Variants in CCDC15 observed in about 807,000 individuals in gnomAD.
CCDC15 encodes the protein coiled-coil domain-containing protein 15.
Under a neutral mutation model 114.5 loss-of-function variants are expected in CCDC15, and 105 were observed. The observed-to-expected ratio is 0.92, with a 90% CI of 0.78 to 1.08. CCDC15 has a LOEUF of 1.08. Among genes scored for constraint, CCDC15 ranks in the 50% least tolerant of loss-of-function variants. CCDC15 has a pLI of 0.00. For missense variants in CCDC15, 1,105 were observed against 1,093.6 expected (o/e 1.01, Z -0.15); for synonymous variants, 334 against 377.8 (o/e 0.88, Z 1.34).
At chr11:124,982,440 A>G (rs536649525) in intron 6 of CCDC15, among the ~76,000 whole-genome samples, 60 of 152,264 alleles carry the variant, frequency 3.9e-4, no homozygotes, top group Admixed American at 1.4e-3. Context: ...TTTCCTTTCC[A>G]TATTTAGCAC....
At chr11:124,986,700 T>TGTGCGCGCGCGCGCGCGC (rs878887902) in intron 6 of CCDC15, 42 bp from the exon 7 acceptor site, 1 of 1,298,020 alleles carries the variant, frequency 7.7e-7, no homozygotes, top group African/African-American at 1.7e-5. Flanking sequence ...TTTGTGTGTG[T>TGTGCGCGCGCGCGCGCGC]GCGCGCGCGC....
At chr11:125,008,303 G>A (rs1948565773) in intron 13 of CCDC15, among the ~76,000 whole-genome samples, 1 of 152,132 alleles carries the variant, frequency 6.6e-6, no homozygotes, top group South Asian at 2.1e-4. Flanking sequence ...ATGGTATTGT[G>A]CATTTAATTT....
chr11:124,983,264 A>G (rs906373725), intron 6 of CCDC15, among the ~76,000 whole-genome samples: 2 of 152,034 alleles, frequency 1.3e-5, no homozygotes, highest in Admixed American at 6.6e-5. Flanking sequence ...GTTCCTATCC[A>G]TGTTCTGATT....
At chr11:125,011,566 A>T (rs1026154717) in intron 13 of CCDC15, among the ~76,000 whole-genome samples, 5 of 152,098 alleles carry the variant, frequency 3.3e-5, no homozygotes, top group African/African-American at 1.2e-4. Context: ...GAATTCATTT[A>T]AAAAAACAAT....
At chr11:124,971,464 C>T (rs899061575) in intron 4 of CCDC15, among the ~76,000 whole-genome samples, 1 of 152,134 alleles carries the variant, frequency 6.6e-6, no homozygotes, top group South Asian at 2.1e-4. Context: ...TTCAGAAGGT[C>T]GGTAATAACA....
At chr11:125,000,585 T>C (rs1434517778) in intron 11 of CCDC15, among the ~76,000 whole-genome samples, 1 of 152,232 alleles carries the variant, frequency 6.6e-6, no homozygotes, top group Non-Finnish European at 1.5e-5. Context: ...CAGTTTTCTT[T>C]ATTGAAAACA....
intron 11 of CCDC15, among the ~76,000 whole-genome samples, chr11:125,001,907 T>C (rs1282615181): frequency 6.6e-6 from 1 of 152,130 alleles, no homozygotes; most frequent in Non-Finnish European, 1.5e-5. Flanking sequence ...CTTCTCTTGG[T>C]CATATTATAC....
At chr11:124,975,567 G>A (rs1947959465) in intron 5 of CCDC15, among the ~76,000 whole-genome samples, 1 of 152,130 alleles carries the variant, frequency 6.6e-6, no homozygotes, top group African/African-American at 2.4e-5. Flanking sequence ...TTATAGTGGT[G>A]AAAAGACAGA....
chr11:124,981,659 G>A (rs945180930), intron 6 of CCDC15, among the ~76,000 whole-genome samples: 16 of 150,828 alleles, frequency 1.1e-4, no homozygotes, highest in Admixed American at 4.6e-4. Context: ...TCACTCTGTC[G>A]TCCAGGCAGG....
At chr11:125,035,853 G>C (rs1231286650) in intron 13 of CCDC15, among the ~76,000 whole-genome samples, 1 of 152,080 alleles carries the variant, frequency 6.6e-6, no homozygotes, top group Non-Finnish European at 1.5e-5. Context: ...CAAGTAAAGA[G>C]AAAACTAATA....
intron 9 of CCDC15, 61 bp from the exon 10 acceptor site, chr11:124,992,519 T>C: frequency 1.1e-6 from 1 of 923,918 alleles, no homozygotes; most frequent in Non-Finnish European, 1.7e-6. Context: ...TATGATATTA[T>C]GATTAGCATT....
chr11:125,021,524 T>TA (rs1334570694), intron 13 of CCDC15, among the ~76,000 whole-genome samples: 2 of 151,834 alleles, frequency 1.3e-5, no homozygotes, highest in African/African-American at 4.8e-5. Context: ...GTATTGCACC[T>TA]AATAAAAAAG....
In CCDC15 at chr11:125,041,060, A is replaced by T. The variant is rs144130157; in HGVS notation, c.*349A>T. ...TTCTAAAACTGTGTTTTTGAGCTTG[A>T]CAGTACTGAAAATGTCTGGATGAAG... is the stretch of plus-strand genomic sequence containing the variant. On this transcript the variant is annotated 3_prime_UTR_variant, in exon 16 of 16. Transcript: ENST00000344762. 261 of 169,676 alleles carry T rather than the reference A, an allele frequency of 1.5e-3. 1 individual carries two copies. The highest frequency in any genetic ancestry group is 0.014 in the Middle Eastern group (5 of 350). The allele number at this position is 169,676 out of a possible 1,614,324, so 10.5% of individuals were successfully genotyped here. A position where few individuals can be genotyped will look rare whatever the true frequency, so the allele number is the denominator to read the frequency against.
At chr11:124,970,511 A>G (rs1947861126) in intron 4 of CCDC15, among the ~76,000 whole-genome samples, 1 of 152,240 alleles carries the variant, frequency 6.6e-6, no homozygotes, top group South Asian at 2.1e-4. Flanking sequence ...AAACTACATT[A>G]TACTTGAATA....
intron 6 of CCDC15, 53 bp from the exon 7 acceptor site, chr11:124,986,688 TG>T (rs1440718266): frequency 8.1e-5 from 111 of 1,370,256 alleles, no homozygotes; most frequent in South Asian, 1.6e-5. Context: ...TGTGTGTGTG[TG>T]TTTGTGTGTG....
chr11:124,972,799 G>A (rs1947907520), intron 4 of CCDC15, among the ~76,000 whole-genome samples: 1 of 152,026 alleles, frequency 6.6e-6, no homozygotes, highest in Non-Finnish European at 1.5e-5. Context: ...ATCAATTTCT[G>A]CATGCCATTT....
At chr11:125,016,764 A>G (rs1437439273) in intron 13 of CCDC15, among the ~76,000 whole-genome samples, 1 of 152,174 alleles carries the variant, frequency 6.6e-6, no homozygotes, top group Non-Finnish European at 1.5e-5. Flanking sequence ...GTCTAACCTA[A>G]ATCTTCTCAT....
chr11:124,977,477 G>T lies in CCDC15; in HGVS notation c.631-1G>T. The T allele has an allele frequency of 6.3e-7, 1 of 1,579,822 alleles. No individual in the cohort carries two copies. The highest frequency in any genetic ancestry group is 2.3e-5 in the East Asian group (1 of 43,798). Reference sequence around the variant, plus strand: ...TATATTTGTAGTAATTTTTTTTCCAGGAAGTGCTTTCCAGGAAACCAGCAT... The same window carrying T: ...TATATTTGTAGTAATTTTTTTTCCATGAAGTGCTTTCCAGGAAACCAGCAT... On this transcript the variant is annotated splice_acceptor_variant, in intron 5 of 15. Transcript: ENST00000344762. LOFTEE classifies it high-confidence loss of function.
chr11:125,026,085 C>T (rs1948699746), intron 13 of CCDC15, among the ~76,000 whole-genome samples: 1 of 152,110 alleles, frequency 6.6e-6, no homozygotes, highest in Admixed American at 6.6e-5. Context: ...CCCTTAGCTG[C>T]CCCAGCTGGT....
Sources: gnomAD v4.1 joint callset for allele counts (sites outside exome capture counted in the v4.1 genomes callset) on GRCh38, gnomAD v4.1.1 for gene constraint, MANE v1.5 for transcripts, NCBI Gene and HGNC (gene_info 2026-07-23, HGNC 2026-07-21) for gene names.